Variants in ZBTB18 observed in about 807,000 individuals in gnomAD.
ZBTB18 encodes the protein zinc finger and BTB domain-containing protein 18.
A neutral mutation model predicts 37.7 loss-of-function variants in ZBTB18; 2 were observed. That is an observed-to-expected ratio of 0.05 (90% confidence interval 0.02 to 0.17). The LOEUF is 0.17. Among genes scored for constraint, ZBTB18 ranks in the 10% least tolerant of loss-of-function variants. The pLI, the probability that ZBTB18 is intolerant of heterozygous loss-of-function variation, is 1.00. For synonymous variants in ZBTB18, 304 were observed against 276.5 expected (o/e 1.10, Z -0.99); for missense variants, 408 against 686.3 (o/e 0.59, Z 4.53).
At chr1:244,050,869 T>C (rs1360642527), upstream of ZBTB18, among the ~76,000 whole-genome samples, 1 of 152,130 alleles carries the variant, frequency 6.6e-6, no homozygotes, top group East Asian at 1.9e-4. Context: ...AATGGGTTGG[T>C]TTAAAAATAT....
chr1:244,053,987 T>C lies in ZBTB18; in HGVS notation c.213T>C (p.Ile71=). The C allele has an allele frequency of 1.2e-6, 2 of 1,614,120 alleles. No individual in the cohort carries two copies. Among genetic ancestry groups the C allele is most frequent in the Non-Finnish European group, 1.7e-6 (2 of 1,180,038 alleles). The change falls in exon 2 of 2, where the codon ATT becomes ATC. Residue 71 remains isoleucine (I), a synonymous_variant. Transcript: ENST00000358704. The surrounding 1 kb of genome is among the most constrained non-coding windows in gnomAD (Gnocchi z 5.2). The part of the protein sequence containing the change: ...FYKDQLDKRD[I]VHLNSDIVTA... ...AGGACCAGCTGGACAAAAGAGACATTGTTCATCTGAACAGCGACATTGTTA... is the reference window on the plus strand; with the variant it reads ...AGGACCAGCTGGACAAAAGAGACATCGTTCATCTGAACAGCGACATTGTTA...
At chr1:244,049,557 C>T (rs1698307429), upstream of ZBTB18, among the ~76,000 whole-genome samples, 2 of 152,060 alleles carry the variant, frequency 1.3e-5, no homozygotes, top group Non-Finnish European at 2.9e-5. Flanking sequence ...CAACCACTCT[C>T]CTCCCGCTGG....
In ZBTB18 at chr1:244,054,867, C is replaced by G; in HGVS notation, c.1093C>G (p.Leu365Val). The change falls in exon 2 of 2, where the codon CTC becomes GTC. Residue 365 changes from leucine to valine, a missense_variant. By Grantham distance (32) the Leu-to-Val change is conservative (BLOSUM62 1). Coordinates refer to ENST00000358704, the MANE Select transcript of ZBTB18 (RefSeq NM_205768.3). The surrounding 1 kb of genome is among the most constrained non-coding windows in gnomAD (Gnocchi z 9.0). ...QVEGGMESSL[L>V]PYVSNILSPA... ...GGAGGGAGGCATGGAGAGCAGTCTG[C>G]TCCCCTACGTCTCCAACATCCTGAG... 1.2e-6 allele frequency: 2 copies of G among 1,614,142 alleles called. No homozygotes were observed. Among genetic ancestry groups the G allele is most frequent in the Non-Finnish European group, 1.7e-6 (2 of 1,180,024 alleles).
Position 244,056,657 on chromosome 1 carries a change from T to G in ZBTB18, c.*1287T>G, listed in dbSNP as rs1210673908. ...CCTCCTTACCCTCCCTCCCTTACTC[T>G]CCCCCCCCACCACCACCCTCCACCC... is the stretch of plus-strand genomic sequence containing the variant. On this transcript the variant is annotated 3_prime_UTR_variant, in exon 2 of 2. Transcript: ENST00000358704. 1 of 124,418 alleles carries G rather than the reference T, an allele frequency of 8.0e-6. No homozygotes were observed. Among genetic ancestry groups the G allele is most frequent in the Non-Finnish European group, 1.8e-5 (1 of 54,962 alleles). The allele number at this position is 124,418 out of a possible 1,614,324, so 7.7% of individuals were successfully genotyped here. A position where few individuals can be genotyped will look rare whatever the true frequency, so the allele number is the denominator to read the frequency against.
chr1:244,051,297 T>C lies in ZBTB18; in HGVS notation c.-135T>C. On this transcript the variant is annotated 5_prime_UTR_variant, in exon 1 of 2. Coordinates refer to ENST00000358704, the MANE Select transcript of ZBTB18 (RefSeq NM_205768.3). ...GACAGGGAGTTAGTGTGTGCGGATC[T>C]GTGGTGGAGAAGGTATCTCATTCCT... is the stretch of plus-strand genomic sequence containing the variant. 2 of 889,378 alleles carry C rather than the reference T, an allele frequency of 2.2e-6. No individual in the cohort carries two copies. The highest frequency in any genetic ancestry group is 4.4e-5 in the Admixed American group (2 of 45,850). 55.1% of individuals were successfully genotyped at this position (889,378 alleles called of 1,614,324 possible).
chr1:244,056,551 C>G lies in ZBTB18; in HGVS notation c.*1181C>G, dbSNP rs112497158. On this transcript the variant is annotated 3_prime_UTR_variant, in exon 2 of 2. Coordinates refer to ENST00000358704, the MANE Select transcript of ZBTB18 (RefSeq NM_205768.3). ...GTACACATTTACCCAGTTGAGCGTT[C>G]TTAGAATAACTACTGCACAAGTTGA... 1 of 167,100 alleles carries G rather than the reference C, an allele frequency of 6.0e-6. No homozygotes were observed. The highest frequency in any genetic ancestry group is 1.5e-5 in the Non-Finnish European group (1 of 68,122). The allele number at this position is 167,100 out of a possible 1,614,324, so 10.4% of individuals were successfully genotyped here. A position where few individuals can be genotyped will look rare whatever the true frequency, so the allele number is the denominator to read the frequency against.
chr1:244,054,463 C>A lies in ZBTB18; in HGVS notation c.689C>A (p.Ser230Tyr). Residue 230 changes from serine to tyrosine, a missense_variant, in exon 2 of 2, where the codon TCT (serine) becomes TAT (tyrosine). Coordinates refer to ENST00000358704, the MANE Select transcript of ZBTB18 (RefSeq NM_205768.3). This position sits in a 1 kb window ranked among gnomAD's most constrained non-coding sequence, Gnocchi z 9.0. Reference sequence around the variant, plus strand: ...GCCAGCCCCTGCAGCTCAACAGAGTCTTTGTCCCAGAGGTCTGTCACCTCC... The same window carrying A: ...GCCAGCCCCTGCAGCTCAACAGAGTATTTGTCCCAGAGGTCTGTCACCTCC... ...TVASPCSSTE[S>Y]LSQRSVTSVR... is the part of the protein sequence containing the mutation. 1 of 1,614,238 alleles carries A rather than the reference C, an allele frequency of 6.2e-7. No homozygotes were observed. Among genetic ancestry groups the A allele is most frequent in the Non-Finnish European group, 8.5e-7 (1 of 1,180,052 alleles).
chr1:244,054,726 T>A lies in ZBTB18; in HGVS notation c.952T>A (p.Tyr318Asn). The change falls in exon 2 of 2, where the codon TAT becomes AAT. Residue 318 changes from tyrosine to asparagine, a missense_variant. By Grantham distance (143) the Tyr-to-Asn change is moderately radical. Coordinates refer to ENST00000358704, the MANE Select transcript of ZBTB18 (RefSeq NM_205768.3). The surrounding 1 kb of genome is among the most constrained non-coding windows in gnomAD (Gnocchi z 9.0). ...ESVSTNNRVQYEPAHLAPLRE... is the reference protein window; with the variant it reads ...ESVSTNNRVQNEPAHLAPLRE... ...TGTGAGCACTAATAACAGGGTACAGTATGAGCCGGCCCATCTGGCTCCCCT... is the reference window on the plus strand; with the variant it reads ...TGTGAGCACTAATAACAGGGTACAGAATGAGCCGGCCCATCTGGCTCCCCT... The A allele has an allele frequency of 6.2e-7, 1 of 1,614,060 alleles. No individual in the cohort carries two copies. The highest frequency in any genetic ancestry group is 1.1e-5 in the South Asian group (1 of 91,066).
chr1:244,050,701 T>C (rs1389548231), upstream of ZBTB18, among the ~76,000 whole-genome samples: 9 of 152,170 alleles, frequency 5.9e-5, no homozygotes, highest in Non-Finnish European at 1.3e-4. Context: ...AAGGTAGTTG[T>C]AGATAAGTAA....
chr1:244,056,119 G>C lies in ZBTB18; in HGVS notation c.*749G>C, dbSNP rs1301828010. The C allele has an allele frequency of 6.0e-6, 1 of 167,100 alleles. No individual in the cohort carries two copies. The highest frequency in any genetic ancestry group is 1.5e-5 in the Non-Finnish European group (1 of 68,124). The allele number at this position is 167,100 out of a possible 1,614,324, so 10.4% of individuals were successfully genotyped here. A position where few individuals can be genotyped will look rare whatever the true frequency, so the allele number is the denominator to read the frequency against. Reference sequence around the variant, plus strand: ...GGGGTGTCAAAGAACTTGACAGGTTGTGTTGATGCTCTTAGTTGAGTCTTG... The same window carrying C: ...GGGGTGTCAAAGAACTTGACAGGTTCTGTTGATGCTCTTAGTTGAGTCTTG... On this transcript the variant is annotated 3_prime_UTR_variant, in exon 2 of 2. Transcript: ENST00000358704.
rs1408671075 is a variant in ZBTB18, at chr1:244,053,339, C to G, written c.14-449C>G. Among the ~76,000 whole-genome samples, 1 of 152,006 alleles carries G rather than the reference C, an allele frequency of 6.6e-6. No homozygotes were observed. Among genetic ancestry groups the G allele is most frequent in the African/African-American group, 2.4e-5 (1 of 41,370 alleles). Reference sequence around the variant, plus strand: ...AAAAGTAATAAAAAGGATGGTTGAACAAGTTTTCTTGTATGTTCCAGGATA... The same window carrying G: ...AAAAGTAATAAAAAGGATGGTTGAAGAAGTTTTCTTGTATGTTCCAGGATA... On this transcript the variant is annotated intron_variant, in intron 1 of 1. Coordinates refer to ENST00000358704, the MANE Select transcript of ZBTB18 (RefSeq NM_205768.3). This position sits in a 1 kb window ranked among gnomAD's most constrained non-coding sequence, Gnocchi z 5.2.
Position 244,055,388 on chromosome 1 carries a change from TAA to T in ZBTB18, c.*19_*20del. 2 of 704,908 alleles carry T rather than the reference TAA, an allele frequency of 2.8e-6. No homozygotes were observed. Among genetic ancestry groups the T allele is most frequent in the African/African-American group, 1.9e-5 (1 of 53,010 alleles). The allele number at this position is 704,908 out of a possible 1,614,324, so 43.7% of individuals were successfully genotyped here. On this transcript the variant is annotated 3_prime_UTR_variant, in exon 2 of 2. Transcript: ENST00000358704. This position sits in a 1 kb window ranked among gnomAD's most constrained non-coding sequence, Gnocchi z 7.0. ...GGAAATAATTTTATATATATATAAA[TAA>T]TATATATATATATACATATATATAA... is the stretch of plus-strand genomic sequence containing the variant.
Position 244,054,813 on chromosome 1 carries a change from A to C in ZBTB18, c.1039A>C (p.Met347Leu), listed in dbSNP as rs1698423795. 1.9e-6 allele frequency: 3 copies of C among 1,614,090 alleles called. No individual in the cohort carries two copies. Among genetic ancestry groups the C allele is most frequent in the East Asian group, 4.5e-5 (2 of 44,878 alleles). ...REDKASDDEM[M>L]TPESERVQVE... ...GGACAAAGCCAGTGATGATGAGATG[A>C]TGACCCCAGAGAGCGAGCGTGTCCA... Residue 347 changes from methionine to leucine, a missense_variant, in exon 2 of 2, where the codon ATG becomes CTG. Met to Leu is a conservative substitution (Grantham distance 15, BLOSUM62 2). Coordinates refer to ENST00000358704, the MANE Select transcript of ZBTB18 (RefSeq NM_205768.3). The surrounding 1 kb of genome is among the most constrained non-coding windows in gnomAD (Gnocchi z 9.0).
At chr1:244,052,792 A>T (rs1698379595) in intron 1 of ZBTB18, among the ~76,000 whole-genome samples, 2 of 152,210 alleles carry the variant, frequency 1.3e-5, no homozygotes. Context: ...AGGAAAAAAA[A>T]AAAGGTTCTC....
At chr1:244,051,074 A>G (rs1187841085), upstream of ZBTB18, among the ~76,000 whole-genome samples, 1 of 152,318 alleles carries the variant, frequency 6.6e-6, no homozygotes, top group Admixed American at 6.5e-5. Flanking sequence ...GAAAGTTTGG[A>G]AAAAAAGGAA....
In ZBTB18 at chr1:244,053,975, C is replaced by T. The variant is rs1277945787; in HGVS notation, c.201C>T (p.Asp67=). ...YFHLFYKDQL[D]KRDIVHLNSD... The stretch of plus-strand genomic sequence containing the variant: ...ACCTCTTTTACAAGGACCAGCTGGA[C>T]AAAAGAGACATTGTTCATCTGAACA... Residue 67 remains aspartate, a synonymous_variant, in exon 2 of 2, where the codon GAC becomes GAT. Transcript: ENST00000358704. The surrounding 1 kb of genome is among the most constrained non-coding windows in gnomAD (Gnocchi z 5.2). 1 of 1,614,070 alleles carries T rather than the reference C, an allele frequency of 6.2e-7. No individual in the cohort carries two copies. Among genetic ancestry groups the T allele is most frequent in the East Asian group, 2.2e-5 (1 of 44,870 alleles).
rs867859125 is a variant in ZBTB18 at position 244,056,892 on chromosome 1, A to G, written c.*1522A>G. The G allele has an allele frequency of 5.4e-5, 9 of 167,122 alleles. No homozygotes were observed. The highest frequency in any genetic ancestry group is 1.3e-4 in the Admixed American group (2 of 15,298). 10.4% of individuals were successfully genotyped at this position (167,122 alleles called of 1,614,324 possible). ...TGTCTTGCACTTACAAATAAGGTCT[A>G]TGGGAGTAGCATGGAAAACGTTTGC... On this transcript the variant is annotated 3_prime_UTR_variant, in exon 2 of 2. Coordinates refer to ENST00000358704, the MANE Select transcript of ZBTB18 (RefSeq NM_205768.3).
intron 1 of ZBTB18, among the ~76,000 whole-genome samples, chr1:244,052,644 C>T (rs1698377004): frequency 6.6e-6 from 1 of 152,120 alleles, no homozygotes; most frequent in Admixed American, 6.5e-5. Flanking sequence ...CCTTTCTCCT[C>T]CCTCCATTTC....
intron 1 of ZBTB18, among the ~76,000 whole-genome samples, chr1:244,051,797 A>G (rs1698359743): frequency 6.6e-6 from 1 of 152,172 alleles, no homozygotes; most frequent in Non-Finnish European, 1.5e-5. Flanking sequence ...GTAAACTGGA[A>G]TCCAGCATTC....
Sources: gnomAD v4.1 joint callset for allele counts (sites outside exome capture counted in the v4.1 genomes callset) on GRCh38, gnomAD v4.1.1 for gene constraint, Gnocchi (gnomAD v3.1) non-coding constraint, MANE v1.5 for transcripts, NCBI Gene and HGNC (gene_info 2026-07-23, HGNC 2026-07-21) for gene names.